ABCA13: variants seen among roughly 807,000 people sequenced by gnomAD.
The protein encoded by ABCA13 is ATP binding cassette subfamily A member 13.
In ABCA13, 476 loss-of-function variants were observed where a neutral mutation model predicts 478.7. The observed-to-expected ratio is 0.99, with a 90% CI of 0.92 to 1.07. ABCA13 has a LOEUF of 1.07. ABCA13 is among the 50% of genes least tolerant of loss of function. The probability of loss-of-function intolerance (pLI) is 0.00; values close to 1 mark genes in which losing one functional copy is unlikely to be tolerated. For missense variants in ABCA13, 6,060 were observed against 5,910.6 expected, an observed-to-expected ratio of 1.03 and a Z score of -0.83; for synonymous variants, 2,252 against 2,158.9, an observed-to-expected ratio of 1.04 and a Z score of -1.20.
Position 48,630,623 on chromosome 7 carries a change from G to A in ABCA13, c.14838-12665G>A, listed in dbSNP as rs367635755. Among the ~76,000 whole-genome samples, 3 of 152,126 alleles carry A rather than the reference G, an allele frequency of 2.0e-5. No homozygotes were observed. In the South Asian group the frequency reaches 6.2e-4, roughly 32 times the overall value. On this transcript the variant is annotated intron_variant, in intron 59 of 61. Transcript: ENST00000435803. ...TACCTTCTGCAAAAAACATATACAT[G>A]CATGTGTCTTTATGGTGAAATGATT... is the stretch of plus-strand genomic sequence containing the variant.
chr7:48,468,161 GA>G (rs11357689), intron 44 of ABCA13, among the ~76,000 whole-genome samples: 53,062 of 151,700 alleles, frequency 0.35, 9,333 homozygotes, highest in East Asian at 0.46. Context: ...CCTTCCAGAG[GA>G]AAAAAACAAA....
At chr7:48,171,700 A>G (rs1009711843) in intron 1 of ABCA13, 148 bp downstream of exon 1, 16 of 839,008 alleles carry the variant, frequency 1.9e-5, no homozygotes, top group Non-Finnish European at 2.8e-5. Context: ...TTTAAATCAA[A>G]ACCCGTCCCA....
At chr7:48,610,709 C>G (rs1791944602) in intron 58 of ABCA13, among the ~76,000 whole-genome samples, 1 of 152,208 alleles carries the variant, frequency 6.6e-6, no homozygotes, top group African/African-American at 2.4e-5. Context: ...CAACTCTTGC[C>G]CTCTGTGCAT....
intron 42 of ABCA13, among the ~76,000 whole-genome samples, chr7:48,434,150 G>A (rs992755095): frequency 5.3e-5 from 8 of 152,050 alleles, no homozygotes; most frequent in African/African-American, 1.9e-4. Context: ...TAGGGCTCCA[G>A]TTCCTCCATA....
chr7:48,250,958 T>C (rs1403000851), intron 15 of ABCA13, among the ~76,000 whole-genome samples: 1 of 152,214 alleles, frequency 6.6e-6, no homozygotes, highest in East Asian at 1.9e-4. Context: ...ATTCCTTTTC[T>C]GTGGCTATTA....
At chr7:48,424,583 CTAAG>C (rs1821166381) in intron 41 of ABCA13, among the ~76,000 whole-genome samples, 1 of 152,174 alleles carries the variant, frequency 6.6e-6, no homozygotes, top group African/African-American at 2.4e-5. Flanking sequence ...ACTGATGACG[CTAAG>C]TGAGGACTTA....
At chr7:48,615,919 G>A (rs1336045052) in intron 59 of ABCA13, among the ~76,000 whole-genome samples, 2 of 151,844 alleles carry the variant, frequency 1.3e-5, no homozygotes, top group Non-Finnish European at 2.9e-5. Context: ...TTTCTTCCTG[G>A]TTAATTCTCT....
intron 29 of ABCA13, among the ~76,000 whole-genome samples, chr7:48,349,721 G>A (rs112916663): frequency 3.9e-5 from 6 of 152,292 alleles, no homozygotes; most frequent in African/African-American, 9.6e-5. Flanking sequence ...TGCCATGTCC[G>A]GGGACAAATG....
chr7:48,471,805 T>G (rs987530081), intron 45 of ABCA13, among the ~76,000 whole-genome samples: 4 of 152,218 alleles, frequency 2.6e-5, no homozygotes, highest in Non-Finnish European at 5.9e-5. Flanking sequence ...AGTGCCCCTC[T>G]CCTTCATTGC....
intron 44 of ABCA13, among the ~76,000 whole-genome samples, chr7:48,468,292 C>T (rs1200337432): frequency 6.6e-6 from 1 of 152,186 alleles, no homozygotes; most frequent in Non-Finnish European, 1.5e-5. Flanking sequence ...CTCCTCTCCT[C>T]TCTCTGTTCC....
At chr7:48,502,142 A>G (rs1830806889) in intron 48 of ABCA13, among the ~76,000 whole-genome samples, 1 of 152,226 alleles carries the variant, frequency 6.6e-6, no homozygotes, top group African/African-American at 2.4e-5. Context: ...GAATGAGAAA[A>G]TGTATTATGA....
At position 48,372,485 on chromosome 7, in the gene ABCA13, T is replaced by C; in HGVS notation, c.11121T>C (p.Asn3707=). Residue 3707 remains asparagine, a synonymous_variant, in exon 33 of 62, where the codon AAT becomes AAC. Coordinates refer to ENST00000435803, the MANE Select transcript of ABCA13 (RefSeq NM_152701.5). ...TACATAACCAATTAAGTTTTGTTAA[T>C]CAGACATTTCTGGTAAGTAAGTTGT... ...LVLHNQLSFV[N]QTFLCLLSTT... 6.8e-7 allele frequency: 1 copy of C among 1,476,302 alleles called. No homozygotes were observed. The allele number at this position is 1,476,302 out of a possible 1,614,324, so 91.5% of individuals were successfully genotyped here.
At chr7:48,445,049 C>T (rs1385288936) in intron 42 of ABCA13, among the ~76,000 whole-genome samples, 2 of 150,374 alleles carry the variant, frequency 1.3e-5, no homozygotes, top group African/African-American at 4.9e-5. Context: ...ACTCTTGTCA[C>T]CCAGGCTGGA....
intron 15 of ABCA13, among the ~76,000 whole-genome samples, chr7:48,249,561 T>C (rs1792214888): frequency 6.6e-6 from 1 of 152,198 alleles, no homozygotes; most frequent in African/African-American, 2.4e-5. Flanking sequence ...CTGAGCTACA[T>C]TGTTCCTGCA....
chr7:48,454,674 G>GGTTTTCCCAGGAGAGACCTGGA (rs1825443546), intron 42 of ABCA13, among the ~76,000 whole-genome samples: 1 of 152,168 alleles, frequency 6.6e-6, no homozygotes. Context: ...CATAAGCTGG[G>GGTTTTCCCAGGAGAGACCTGGA]GTTTTCCCAG....
chr7:48,511,400 G>C (rs898903445), intron 51 of ABCA13, among the ~76,000 whole-genome samples: 1 of 152,184 alleles, frequency 6.6e-6, no homozygotes, highest in African/African-American at 2.4e-5. Flanking sequence ...TGACCTGGTC[G>C]TGATGAAGAC....
At chr7:48,405,312 G>A (rs1371292670) in intron 39 of ABCA13, among the ~76,000 whole-genome samples, 1 of 152,218 alleles carries the variant, frequency 6.6e-6, no homozygotes, top group African/African-American at 2.4e-5. Context: ...AAGGTGGGGA[G>A]GCAGGCAGTG....
chr7:48,401,773 A>G (rs1446116558), intron 38 of ABCA13, among the ~76,000 whole-genome samples: 2 of 151,954 alleles, frequency 1.3e-5, no homozygotes, highest in Non-Finnish European at 2.9e-5. Flanking sequence ...ACACACACAC[A>G]CACTATGGGG....
At chr7:48,223,552 G>T (rs183931860) in intron 5 of ABCA13, among the ~76,000 whole-genome samples, 1 of 152,222 alleles carries the variant, frequency 6.6e-6, no homozygotes, top group East Asian at 1.9e-4. Context: ...TGTAAGAAGA[G>T]GATGGAGAAG....
Sources: allele counts gnomAD v4.1 joint callset (sites outside exome capture counted in the v4.1 genomes callset), GRCh38; gene constraint gnomAD v4.1.1; transcripts MANE v1.5; gene names NCBI Gene and HGNC (gene_info 2026-07-23, HGNC 2026-07-21).